The following DPY19L2 variants were observed in gnomAD, a reference collection of about 807,000 sequenced individuals.
DPY19L2 encodes the protein probable C-mannosyltransferase DPY19L2.
Under a neutral mutation model 97.9 loss-of-function variants are expected in DPY19L2, and 34 were observed. The observed-to-expected ratio is 0.35, with a 90% confidence interval of 0.26 to 0.46. DPY19L2 has a LOEUF of 0.46. Ranked by LOEUF, DPY19L2 falls within the 20% of genes least tolerant of loss-of-function variation. The pLI is 1.00. For missense variants in DPY19L2, 623 were observed against 911.4 expected, an observed-to-expected ratio of 0.68 and a Z score of 4.07; for synonymous variants, 230 against 307.9, an observed-to-expected ratio of 0.75 and a Z score of 2.65.
At chr12:63,625,373 G>A (rs149355941) in intron 7 of DPY19L2, among the ~76,000 whole-genome samples, 2,215 of 151,364 alleles carry the variant, frequency 0.015, 25 homozygotes, top group Non-Finnish European at 0.021. Context: ...CTCCAGCCTG[G>A]GTGACAAAGC....
intron 19 of DPY19L2, among the ~76,000 whole-genome samples, chr12:63,571,572 G>T (rs551552392): frequency 6.6e-6 from 1 of 152,268 alleles, no homozygotes; most frequent in East Asian, 1.9e-4. Context: ...AATGACTTTT[G>T]TGGCTGGTGA....
chr12:63,604,600 T>A (rs1240379628), intron 12 of DPY19L2, among the ~76,000 whole-genome samples: 1 of 152,156 alleles, frequency 6.6e-6, no homozygotes, highest in African/African-American at 2.4e-5. Flanking sequence ...CACCGATTGC[T>A]TCCTCTGTAA....
intron 19 of DPY19L2, among the ~76,000 whole-genome samples, chr12:63,575,403 T>C (rs1178532960): frequency 6.6e-6 from 1 of 151,520 alleles, no homozygotes; most frequent in Admixed American, 6.6e-5. Context: ...TGATGCTTCT[T>C]AAAAAACTAG....
chr12:63,661,606 T>C, intron 3 of DPY19L2, 125 bp from the exon 4 acceptor site: 1 of 685,966 alleles, frequency 1.5e-6, no homozygotes, highest in East Asian at 3.4e-5. Context: ...TCCTAATCAC[T>C]TCTCGCTATT....
chr12:63,603,978 C>T (rs1171341561), intron 12 of DPY19L2, among the ~76,000 whole-genome samples: 6 of 152,122 alleles, frequency 3.9e-5, no homozygotes, highest in African/African-American at 1.4e-4. Context: ...GAAATAAAAC[C>T]ACGTATCTAC....
At chr12:63,601,107 G>T (rs1885121129) in intron 12 of DPY19L2, among the ~76,000 whole-genome samples, 1 of 152,126 alleles carries the variant, frequency 6.6e-6, no homozygotes, top group African/African-American at 2.4e-5. Flanking sequence ...GTTTTAAAAG[G>T]TTACTTCCTT....
intron 6 of DPY19L2, among the ~76,000 whole-genome samples, chr12:63,634,877 G>A (rs887334271): frequency 6.6e-6 from 1 of 152,196 alleles, no homozygotes; most frequent in African/African-American, 2.4e-5. Context: ...CAAACAAAAG[G>A]CAGCAGAATC....
At chr12:63,567,019 GT>G (rs1364636141) in intron 21 of DPY19L2, among the ~76,000 whole-genome samples, 1 of 152,046 alleles carries the variant, frequency 6.6e-6, no homozygotes. Flanking sequence ...AAAATCCTCT[GT>G]TCTGGCTTTC....
intron 6 of DPY19L2, among the ~76,000 whole-genome samples, chr12:63,629,542 G>A (rs1322419610): frequency 6.6e-6 from 1 of 152,098 alleles, no homozygotes; most frequent in Admixed American, 6.6e-5. Context: ...AACAAACAAA[G>A]CCTCCAAGAA....
chr12:63,626,813 C>G (rs1889629453), intron 6 of DPY19L2, among the ~76,000 whole-genome samples: 1 of 152,038 alleles, frequency 6.6e-6, no homozygotes, highest in Admixed American at 6.6e-5. Context: ...GGATCTTGCT[C>G]TGTTGCCCAG....
chr12:63,603,569 G>A (rs775599974), intron 12 of DPY19L2, among the ~76,000 whole-genome samples: 5 of 151,920 alleles, frequency 3.3e-5, no homozygotes, highest in Admixed American at 6.6e-5. Context: ...CCCCTCCCTG[G>A]GTCCATGTGT....
chr12:63,593,409 G>T (rs1883515653), intron 16 of DPY19L2, among the ~76,000 whole-genome samples: 1 of 152,070 alleles, frequency 6.6e-6, no homozygotes, highest in African/African-American at 2.4e-5. Flanking sequence ...AACAATGATA[G>T]ACTGGATTAA....
rs541861906 is a variant in DPY19L2 at position 63,606,721 on chromosome 12, C to A, written c.1278+1895G>T. On this transcript the variant is annotated intron_variant, in intron 12 of 21. Coordinates refer to ENST00000324472, the MANE Select transcript of DPY19L2 (RefSeq NM_173812.5). The stretch of plus-strand genomic sequence containing the variant: ...ACAAGTAAGAATATCCTTTCTCATA[C>A]TATCCTTATCTGGCCTTAGTACTGA... Among the ~76,000 whole-genome samples, 7 of 152,214 alleles carry A rather than the reference C, an allele frequency of 4.6e-5. No individual in the cohort carries two copies. In the South Asian group the frequency reaches 1.5e-3, roughly 32 times the overall value.
At chr12:63,605,124 G>A (rs1037921897) in intron 12 of DPY19L2, among the ~76,000 whole-genome samples, 3 of 152,064 alleles carry the variant, frequency 2.0e-5, no homozygotes, top group Non-Finnish European at 2.9e-5. Context: ...CTGGTGCTCC[G>A]TCTCAGCCCC....
intron 4 of DPY19L2, among the ~76,000 whole-genome samples, chr12:63,655,176 A>G (rs571094032): frequency 6.4e-4 from 97 of 152,338 alleles, no homozygotes; most frequent in African/African-American, 1.9e-3. Context: ...AAATACATAA[A>G]GACACGTTGC....
intron 19 of DPY19L2, among the ~76,000 whole-genome samples, chr12:63,572,737 G>C (rs2097640153): frequency 6.6e-6 from 1 of 152,096 alleles, no homozygotes; most frequent in South Asian, 2.1e-4. Flanking sequence ...CAGAGAAAGA[G>C]AGAGAGAGAG....
At chr12:63,644,781 T>C (rs186021420) in intron 5 of DPY19L2, among the ~76,000 whole-genome samples, 115 of 152,270 alleles carry the variant, frequency 7.6e-4, no homozygotes, top group African/African-American at 2.6e-3. Context: ...ACTTATACTT[T>C]ATACTTTTTA....
At chr12:63,566,891 A>G (rs1015483544) in intron 21 of DPY19L2, among the ~76,000 whole-genome samples, 44 of 152,024 alleles carry the variant, frequency 2.9e-4, no homozygotes, top group African/African-American at 1.1e-3. Flanking sequence ...ACTTGTACAT[A>G]TTTATGGAGT....
In DPY19L2 at chr12:63,624,048, CAA is replaced by C. The variant is rs1167276867; in HGVS notation, c.943_944del (p.Leu315AspfsTer8). 2 of 1,608,408 alleles carry C rather than the reference CAA, an allele frequency of 1.2e-6. No homozygotes were observed. The highest frequency in any genetic ancestry group is 2.7e-5 in the African/African-American group (2 of 74,714). On this transcript the variant is annotated frameshift_variant, in exon 8 of 22. Coordinates refer to ENST00000324472, the MANE Select transcript of DPY19L2 (RefSeq NM_173812.5). LOFTEE classifies it high-confidence loss of function. ...TTATAAATCGAAGTTACCTGAGAATCAAAGTTAAAATACACATCTGAAGTACA... is the reference window on the plus strand; with the variant it reads ...TTATAAATCGAAGTTACCTGAGAATCAGTTAAAATACACATCTGAAGTACA... The part of the protein sequence containing the change: ...FLVLQMCILT[L>X]ILRTSSNDRR...
Sources: gnomAD v4.1 joint callset for allele counts (sites outside exome capture counted in the v4.1 genomes callset) on GRCh38, gnomAD v4.1.1 for gene constraint, MANE v1.5 for transcripts, NCBI Gene and HGNC (gene_info 2026-07-23, HGNC 2026-07-21) for gene names.